The following PPIL2 variants were observed in gnomAD, a reference collection of about 807,000 sequenced individuals.
PPIL2 encodes RING-type E3 ubiquitin-protein ligase PPIL2.
PPIL2 carries 50 observed loss-of-function variants against 75.2 expected under a neutral mutation model. The observed-to-expected ratio is 0.66, with a 90% confidence interval of 0.53 to 0.84. The LOEUF (loss-of-function observed/expected upper bound fraction) is 0.84, where lower values mean the gene tolerates loss of function less well. Ranked by LOEUF, PPIL2 falls within the 40% of genes least tolerant of loss-of-function variation. The pLI is 0.00. For synonymous variants in PPIL2, 245 were observed against 258.8 expected, an observed-to-expected ratio of 0.95 and a Z score of 0.51; for missense variants, 590 against 685.0, an observed-to-expected ratio of 0.86 and a Z score of 1.55.
chr22:21,695,457 C>T lies in PPIL2; in HGVS notation c.1530C>T (p.Pro510=). The T allele has an allele frequency of 6.2e-7, 1 of 1,607,920 alleles. No individual in the cohort carries two copies. The highest frequency in any genetic ancestry group is 8.5e-7 in the Non-Finnish European group (1 of 1,177,000). The change falls in exon 20 of 20, where the codon CCC becomes CCT. Residue 510 remains proline (P), a synonymous_variant. Transcript: ENST00000398831. ...CTGTCCCCATGTCCAAGAAGAAGCC[C>T]AGTCGGGGTTTTGGGGACTTCAGCT... is the stretch of plus-strand genomic sequence containing the variant. ...SATVPMSKKK[P]SRGFGDFSSW
intron 10 of PPIL2, 64 bp downstream of exon 10, chr22:21,684,977 T>A (rs2067297382): frequency 6.3e-7 from 1 of 1,586,306 alleles, no homozygotes; most frequent in African/African-American, 1.4e-5. Flanking sequence ...CATGGCCTCT[T>A]GGAGTGGTCC....
chr22:21,683,348 G>GT, intron 9 of PPIL2, 91 bp downstream of exon 9: 1 of 1,156,198 alleles, frequency 8.6e-7, no homozygotes, highest in Non-Finnish European at 1.3e-6. Context: ...TTTCCTGGAG[G>GT]TCAGGGGGTC....
At chr22:21,668,381 C>G (rs2066476859) in intron 1 of PPIL2, among the ~76,000 whole-genome samples, 1 of 151,664 alleles carries the variant, frequency 6.6e-6, no homozygotes, top group Admixed American at 6.6e-5. Flanking sequence ...AATCCCAGCA[C>G]TTTGGGAGGC....
intron 6 of PPIL2, among the ~76,000 whole-genome samples, chr22:21,677,350 G>A (rs1459345958): frequency 6.6e-6 from 1 of 152,228 alleles, no homozygotes; most frequent in African/African-American, 2.4e-5. Flanking sequence ...GCAGGCGGCT[G>A]GGAGGTGGAG....
rs548839713 is a variant in PPIL2, at chr22:21,696,660, C to G, written c.*1170C>G. 4 of 1,527,372 alleles carry G rather than the reference C, an allele frequency of 2.6e-6. No individual in the cohort carries two copies. The African/African-American group carries it at 4.1e-5, about 16-fold the overall frequency. 94.6% of individuals were successfully genotyped at this position (1,527,372 alleles called of 1,614,324 possible). ...CTCCCTGTTGCCCTCAGGCCACCCCCCACTTCTAGTTCTTCACACTAAGCC... is the reference window on the plus strand; with the variant it reads ...CTCCCTGTTGCCCTCAGGCCACCCCGCACTTCTAGTTCTTCACACTAAGCC... On this transcript the variant is annotated 3_prime_UTR_variant, in exon 20 of 20. Transcript: ENST00000398831.
intron 17 of PPIL2, 23 bp downstream of exon 17, chr22:21,694,688 C>A: frequency 6.2e-7 from 1 of 1,613,596 alleles, no homozygotes; most frequent in Non-Finnish European, 8.5e-7. Flanking sequence ...GGAGGTGGGG[C>A]GTGGCGGCTG....
chr22:21,668,701 G>T (rs2066492781), intron 1 of PPIL2, among the ~76,000 whole-genome samples: 1 of 135,726 alleles, frequency 7.4e-6, no homozygotes, highest in Admixed American at 8.1e-5. Flanking sequence ...ACTCTTTGTG[G>T]CAATAAGATA....
intron 5 of PPIL2, among the ~76,000 whole-genome samples, chr22:21,673,243 G>A (rs1023274516): frequency 5.3e-5 from 8 of 152,194 alleles, no homozygotes; most frequent in African/African-American, 1.9e-4. Context: ...CTGCTGCTGG[G>A]AGCCACATTG....
intron 9 of PPIL2, among the ~76,000 whole-genome samples, chr22:21,684,420 C>G (rs2067257794): frequency 7.3e-6 from 1 of 137,670 alleles, no homozygotes; most frequent in Non-Finnish European, 1.5e-5. Flanking sequence ...CCACTGCACT[C>G]CAGCCTGGAC....
At chr22:21,698,217 G>A (rs1253524248), downstream of PPIL2, 2 of 119,482 alleles carry the variant, frequency 1.7e-5, no homozygotes, top group Non-Finnish European at 3.6e-5. Context: ...TTTTGCAGAA[G>A]CCCAACAAAA....
At chr22:21,680,926 G>C (rs1175725374) in intron 6 of PPIL2, among the ~76,000 whole-genome samples, 1 of 151,992 alleles carries the variant, frequency 6.6e-6, no homozygotes, top group Non-Finnish European at 1.5e-5. Context: ...TGACCAGGGG[G>C]CTGGCGGAGG....
intron 4 of PPIL2, among the ~76,000 whole-genome samples, chr22:21,671,684 A>G (rs2066639566): frequency 6.6e-6 from 1 of 152,072 alleles, no homozygotes; most frequent in Admixed American, 6.6e-5. Context: ...CTGAGATTTC[A>G]GGCACACACC....
intron 6 of PPIL2, among the ~76,000 whole-genome samples, chr22:21,680,587 T>C (rs997521974): frequency 6.7e-6 from 1 of 150,292 alleles, no homozygotes; most frequent in African/African-American, 2.5e-5. Flanking sequence ...CCCAGCACTT[T>C]GGGAGGCCGA....
chr22:21,682,952 C>T (rs1451516709), intron 8 of PPIL2, among the ~76,000 whole-genome samples: 1 of 152,214 alleles, frequency 6.6e-6, no homozygotes, highest in Non-Finnish European at 1.5e-5. Context: ...AGGAAGGTCA[C>T]AGCTCAGCCA....
intron 15 of PPIL2, 54 bp downstream of exon 15, chr22:21,688,903 C>A: frequency 6.7e-7 from 1 of 1,495,504 alleles, no homozygotes; most frequent in Non-Finnish European, 9.3e-7. Flanking sequence ...GCACTCTCTG[C>A]GGGTTCTTCC....
intron 6 of PPIL2, among the ~76,000 whole-genome samples, chr22:21,680,772 G>A (rs2148530968): frequency 7.1e-6 from 1 of 140,762 alleles, no homozygotes; most frequent in South Asian, 2.4e-4. Flanking sequence ...GGAGCTTGCA[G>A]TGAGCCGAGA....
intron 7 of PPIL2, among the ~76,000 whole-genome samples, chr22:21,681,614 G>C (rs1200304391): frequency 6.6e-6 from 1 of 152,230 alleles, no homozygotes; most frequent in East Asian, 1.9e-4. Context: ...CGGAATCCAG[G>C]CAGTCCTGGC....
intron 9 of PPIL2, 129 bp downstream of exon 9, chr22:21,683,386 GA>G: frequency 1.3e-6 from 1 of 757,950 alleles, no homozygotes; most frequent in Admixed American, 2.4e-5. Context: ...TGCATTTTCT[GA>G]ACTAGTGTTC....
rs1057296710 is a variant in PPIL2, at chr22:21,694,827, C to T, written c.1332+10C>T. 1 of 1,593,930 alleles carries T rather than the reference C, an allele frequency of 6.3e-7. No homozygotes were observed. On this transcript the variant is annotated intron_variant, in intron 18 of 19. Transcript: ENST00000398831. ...GGAGGCCGATGCCCAGGTGAGGGGG[C>T]ACGATGCCACCACCTAGGAGGGTCT... is the stretch of plus-strand genomic sequence containing the variant.
Sources: gnomAD v4.1 joint callset for allele counts (sites outside exome capture counted in the v4.1 genomes callset) on GRCh38, gnomAD v4.1.1 for gene constraint, MANE v1.5 for transcripts, NCBI Gene and HGNC (gene_info 2026-07-23, HGNC 2026-07-21) for gene names.